The following ROBO2 variants were observed in gnomAD, a reference collection of about 807,000 sequenced individuals.
ROBO2 encodes roundabout homolog 2.
A neutral mutation model predicts 160.8 loss-of-function variants in ROBO2; 53 were observed. That is an observed-to-expected ratio of 0.33 (90% CI 0.26 to 0.41). ROBO2 has a LOEUF of 0.41. ROBO2 is among the 10% of genes least tolerant of loss of function. The pLI, the probability that ROBO2 is intolerant of heterozygous loss-of-function variation, is 1.00. For missense variants in ROBO2, 1,577 were observed against 1,722.4 expected (o/e 0.92, Z 1.49); for synonymous variants, 664 against 611.7 (o/e 1.09, Z -1.26).
chr3:77,635,485 C>A (rs1583429954), intron 24 of ROBO2, among the ~76,000 whole-genome samples: 1 of 152,254 alleles, frequency 6.6e-6, no homozygotes, highest in East Asian at 1.9e-4. Context: ...GAGCCAAAAT[C>A]AGGCTACAGT....
intron 2 of ROBO2, among the ~76,000 whole-genome samples, chr3:76,428,617 CAAAAA>C (rs58841794): frequency 2.0e-5 from 3 of 151,140 alleles, no homozygotes; most frequent in Non-Finnish European, 4.4e-5. Context: ...CTAACAGAAA[CAAAAA>C]AAAGTGAGTT....
chr3:76,820,557 A>G (rs1026682830), intron 2 of ROBO2, among the ~76,000 whole-genome samples: 1 of 152,060 alleles, frequency 6.6e-6, no homozygotes, highest in Admixed American at 6.6e-5. Flanking sequence ...TCCTTTAAAC[A>G]TCAAAAAATG....
At chr3:76,661,546 G>A (rs781332113) in intron 2 of ROBO2, among the ~76,000 whole-genome samples, 8 of 152,250 alleles carry the variant, frequency 5.3e-5, no homozygotes, top group Non-Finnish European at 1.2e-4. Flanking sequence ...GACGTAAGGT[G>A]TACATTGGTT....
At chr3:76,217,613 G>GAGA (rs1703643363) in intron 2 of ROBO2, among the ~76,000 whole-genome samples, 1 of 152,146 alleles carries the variant, frequency 6.6e-6, no homozygotes, top group African/African-American at 2.4e-5. Flanking sequence ...ACTAAACCAG[G>GAGA]AAGAAGTTGA....
At chr3:76,660,901 TGTATGTAGCCTATATATCTATA>T (rs918235259) in intron 2 of ROBO2, among the ~76,000 whole-genome samples, 2 of 152,186 alleles carry the variant, frequency 1.3e-5, no homozygotes, top group African/African-American at 4.8e-5. Context: ...TTTTCTCTAA[TGTATGTAGCCTATATATCTATA>T]GGTAGAAAAA....
At position 76,157,969 on chromosome 3, in the gene ROBO2, C is replaced by T. The variant is rs117220684; in HGVS notation, c.109+220367C>T. Among the ~76,000 whole-genome samples the T allele has an allele frequency of 4.4e-3, 663 of 152,248 alleles. 11 individuals carry two copies. The highest frequency in any genetic ancestry group is 0.034 in the East Asian group (177 of 5,170). ...GAAATTCATTCTCTTTCCTCCAGAT[C>T]AGAAAATGCCTTTAATTTGTATATA... On this transcript the variant is annotated intron_variant, in intron 2 of 26. Coordinates refer to the ROBO2 transcript ENST00000487694.
chr3:76,429,537 C>T (rs571434191), intron 2 of ROBO2, among the ~76,000 whole-genome samples: 42 of 152,230 alleles, frequency 2.8e-4, no homozygotes, highest in Non-Finnish European at 3.2e-4. Flanking sequence ...GTTTGGCATA[C>T]ATCAGAAAAA....
intron 2 of ROBO2, among the ~76,000 whole-genome samples, chr3:77,285,182 G>C (rs2060497228): frequency 6.6e-6 from 1 of 152,170 alleles, no homozygotes; most frequent in Non-Finnish European, 1.5e-5. Context: ...TAGGAGGCAG[G>C]TGATGTTACC....
chr3:77,330,563 T>C (rs770189975), intron 2 of ROBO2, among the ~76,000 whole-genome samples: 1 of 152,174 alleles, frequency 6.6e-6, no homozygotes, highest in Non-Finnish European at 1.5e-5. Context: ...TATACTTGAG[T>C]AGCAGTCAGT....
chr3:77,280,118 T>C (rs1423519223), intron 2 of ROBO2, among the ~76,000 whole-genome samples: 1 of 152,166 alleles, frequency 6.6e-6, no homozygotes, highest in African/African-American at 2.4e-5. Flanking sequence ...AAAGCACCTC[T>C]CTCACCTACA....
rs770566285 is a variant in ROBO2 at position 77,565,130 on chromosome 3, A to T, written c.1849+10A>T. ...CCTGTGCGCACACAAGGTACTTTCA[A>T]CAGCTGTCAACAAGACTGGTTCTAG... On this transcript the variant is annotated intron_variant, in intron 12 of 25. Coordinates refer to ENST00000461745, the Ensembl canonical transcript of ROBO2. The T allele has an allele frequency of 6.2e-7, 1 of 1,613,274 alleles. No homozygotes were observed.
At chr3:77,644,763 T>C (rs2095394652) in exon 25 of ROBO2, 3 of 1,614,022 alleles carry the variant, frequency 1.9e-6, no homozygotes, top group African/African-American at 2.7e-5. Flanking sequence ...CCACAGCTCA[T>C]CAGGAACAGC....
Position 76,312,065 on chromosome 3 carries a change from G to A in ROBO2, c.109+374463G>A, listed in dbSNP as rs139350897. ...AAAGTTCAGTGGGTTCTGCTTCCCCGAATGCCATTTGTTTATATAAACACA... is the reference window on the plus strand; with the variant it reads ...AAAGTTCAGTGGGTTCTGCTTCCCCAAATGCCATTTGTTTATATAAACACA... On this transcript the variant is annotated intron_variant, in intron 2 of 26. Transcript: ENST00000487694. Among the ~76,000 whole-genome samples the A allele has an allele frequency of 3.4e-3, 514 of 152,216 alleles. 6 individuals carry two copies. Among genetic ancestry groups the A allele is most frequent in the Admixed American group, 0.024 (370 of 15,278 alleles).
chr3:76,825,549 T>C (rs895277085), intron 2 of ROBO2, among the ~76,000 whole-genome samples: 9 of 137,448 alleles, frequency 6.5e-5, no homozygotes, highest in Non-Finnish European at 9.0e-5. Flanking sequence ...AAAAATGGTG[T>C]CAATTGGTTA....
intron 2 of ROBO2, among the ~76,000 whole-genome samples, chr3:77,466,729 AT>A (rs2082800392): frequency 6.6e-6 from 1 of 152,168 alleles, no homozygotes; most frequent in South Asian, 2.1e-4. Context: ...TTCAACCCTC[AT>A]TTCATCAGCA....
Position 76,578,610 on chromosome 3 carries a change from A to C in ROBO2, c.110-519404A>C, listed in dbSNP as rs368856617. Reference sequence around the variant, plus strand: ...CTCTTGGCCTCCACGGAGCCTCATTATTGCCCCCACCTGCTACTTCTCCAT... The same window carrying C: ...CTCTTGGCCTCCACGGAGCCTCATTCTTGCCCCCACCTGCTACTTCTCCAT... On this transcript the variant is annotated intron_variant, in intron 2 of 26. Transcript: ENST00000487694. 2.8e-4 allele frequency among the ~76,000 whole-genome samples: 42 copies of C among 151,990 alleles called. 2 individuals are homozygous for C. The highest frequency in any genetic ancestry group is 2.7e-3 in the South Asian group (13 of 4,810).
At position 76,567,620 on chromosome 3, in the gene ROBO2, GATATATATAT is replaced by G. The variant is rs1201854439; in HGVS notation, c.110-530370_110-530361del. 3.7e-3 allele frequency among the ~76,000 whole-genome samples: 124 copies of G among 33,300 alleles called. 1 individual carries two copies. Among genetic ancestry groups the G allele is most frequent in the African/African-American group, 9.6e-3 (120 of 12,496 alleles). The allele number at this position is 33,300 out of a possible 152,430, so 21.8% of individuals were successfully genotyped here. A position where few individuals can be genotyped will look rare whatever the true frequency, so the allele number is the denominator to read the frequency against. ...TATATTTATGCTATACCAAACTACT[GATATATATAT>G]ATATATATATATATATATATATACA... On this transcript the variant is annotated intron_variant, in intron 2 of 26. Coordinates refer to the ROBO2 transcript ENST00000487694.
intron 2 of ROBO2, among the ~76,000 whole-genome samples, chr3:77,209,977 G>T (rs553130379): frequency 2.6e-4 from 39 of 152,170 alleles, no homozygotes; most frequent in African/African-American, 9.4e-4. Flanking sequence ...CTTTTTGAAA[G>T]AAAAATCTTT....
chr3:76,779,794 A>G (rs2062516231), intron 2 of ROBO2, among the ~76,000 whole-genome samples: 1 of 150,926 alleles, frequency 6.6e-6, no homozygotes, highest in African/African-American at 2.4e-5. Context: ...TTATCTCTTC[A>G]TCTATCAATG....
Sources: allele counts gnomAD v4.1 joint callset (sites outside exome capture counted in the v4.1 genomes callset), GRCh38; gene constraint gnomAD v4.1.1; transcripts MANE v1.5; gene names NCBI Gene and HGNC (gene_info 2026-07-23, HGNC 2026-07-21).